CCDC150: variants seen among roughly 807,000 people sequenced by gnomAD.
CCDC150 encodes the protein coiled-coil domain-containing protein 150.
A neutral mutation model predicts 156.5 loss-of-function variants in CCDC150; 151 were observed. That is an observed-to-expected ratio of 0.97 (90% CI 0.85 to 1.10). The LOEUF is 1.10. Among genes scored for constraint, CCDC150 ranks in the 50% least tolerant of loss-of-function variants. The pLI is 0.00. For synonymous variants in CCDC150, 452 were observed against 429.4 expected (o/e 1.05, Z -0.65); for missense variants, 1,312 against 1,268.1 (o/e 1.03, Z -0.53).
intron 11 of CCDC150, 93 bp from the exon 12 acceptor site, chr2:196,676,461 C>G: frequency 7.5e-7 from 1 of 1,325,418 alleles, no homozygotes; most frequent in Non-Finnish European, 1.0e-6. Context: ...TACTCTCAGT[C>G]AGGAAATATG....
chr2:196,703,738 G>A (rs147766649), intron 15 of CCDC150, among the ~76,000 whole-genome samples: 25 of 152,168 alleles, frequency 1.6e-4, no homozygotes, highest in African/African-American at 5.5e-4. Flanking sequence ...ATTTTGACTG[G>A]GAATGAAATA....
chr2:196,705,347 G>T, intron 15 of CCDC150, among the ~76,000 whole-genome samples: 1 of 152,184 alleles, frequency 6.6e-6, no homozygotes, highest in East Asian at 1.9e-4. Flanking sequence ...CTGCATAAAT[G>T]CCTTCTTTTG....
chr2:196,698,840 C>G (rs140411746), intron 14 of CCDC150, among the ~76,000 whole-genome samples: 45 of 152,308 alleles, frequency 3.0e-4, no homozygotes, highest in South Asian at 1.4e-3. Context: ...TCCCTCCCCC[C>G]TCTCCCCACC....
intron 10 of CCDC150, among the ~76,000 whole-genome samples, chr2:196,675,336 T>A (rs908184831): frequency 6.6e-6 from 1 of 152,178 alleles, no homozygotes; most frequent in African/African-American, 2.4e-5. Context: ...CATGGACTTA[T>A]AATTCAGTGG....
rs376590781 is a variant in CCDC150 at position 196,666,794 on chromosome 2, C to CA, written c.849dup (p.Glu284ArgfsTer13). On this transcript the variant is annotated frameshift_variant, in exon 7 of 28. Transcript: ENST00000389175. LOFTEE classifies it high-confidence loss of function. ...CGCTCAAGAACTACTGGCCCAGGAA[C>CA]AAAAAAAAAAAGAAGAGTTGGAGAT... 0.039 allele frequency: 37,401 copies of CA among 947,732 alleles called. 1 individual carries two copies. Among genetic ancestry groups the CA allele is most frequent in the Non-Finnish European group, 0.044 (29,730 of 670,700 alleles). The allele number at this position is 947,732 out of a possible 1,614,324, so 58.7% of individuals were successfully genotyped here.
chr2:196,699,720 A>G (rs903982809), intron 14 of CCDC150, among the ~76,000 whole-genome samples: 2 of 152,126 alleles, frequency 1.3e-5, no homozygotes, highest in African/African-American at 2.4e-5. Flanking sequence ...GGGTTTTGCT[A>G]TGTTGACCAG....
At chr2:196,667,833 G>C (rs1404641885) in intron 7 of CCDC150, 1 of 152,170 alleles carries the variant, frequency 6.6e-6, no homozygotes, top group East Asian at 1.9e-4. Flanking sequence ...TTTTCTTATA[G>C]TAGTGAATTA....
intron 13 of CCDC150, among the ~76,000 whole-genome samples, chr2:196,693,040 A>C: frequency 6.6e-6 from 1 of 152,170 alleles, no homozygotes; most frequent in East Asian, 1.9e-4. Context: ...TTCTTGTTGA[A>C]TTGAACTCTC....
chr2:196,725,024 A>T (rs1015257822), intron 21 of CCDC150, among the ~76,000 whole-genome samples: 3 of 152,166 alleles, frequency 2.0e-5, no homozygotes, highest in African/African-American at 7.2e-5. Context: ...TGCAAGTCTC[A>T]TGTATAGACC....
At chr2:196,673,870 C>G (rs1462104721) in intron 9 of CCDC150, among the ~76,000 whole-genome samples, 2 of 152,046 alleles carry the variant, frequency 1.3e-5, no homozygotes, top group Non-Finnish European at 2.9e-5. Flanking sequence ...GTGTTACCAG[C>G]TAAATAATTC....
intron 27 of CCDC150, 131 bp from the exon 28 acceptor site, chr2:196,732,315 A>T: frequency 1.7e-6 from 2 of 1,142,968 alleles, no homozygotes; most frequent in East Asian, 2.4e-5. Context: ...ACAAAGTTCC[A>T]CCTGTCACAA....
Position 196,676,681 on chromosome 2 carries a change from A to G in CCDC150, c.1390A>G (p.Met464Val), listed in dbSNP as rs940487289. The G allele has an allele frequency of 2.5e-6, 4 of 1,613,902 alleles. No individual in the cohort carries two copies. Among genetic ancestry groups the G allele is most frequent in the South Asian group, 2.2e-5 (2 of 91,082 alleles). Residue 464 changes from methionine (M) to valine (V), a missense_variant, in exon 12 of 28, where the codon ATG becomes GTG. Transcript: ENST00000389175. Reference protein sequence around the residue: ...ARLRGELEASMQEKKSLLEEK... With the variant: ...ARLRGELEASVQEKKSLLEEK... ...ATTGCGAGGTGAATTGGAAGCATCA[A>G]TGCAAGAGAAGAAGTCTCTGCTAGA...
chr2:196,660,185 A>G (rs1426908729), intron 5 of CCDC150, among the ~76,000 whole-genome samples: 1 of 152,190 alleles, frequency 6.6e-6, no homozygotes, highest in Non-Finnish European at 1.5e-5. Context: ...TATTGTATGT[A>G]CCACAATTTG....
At chr2:196,674,400 A>G (rs887251656) in intron 10 of CCDC150, 52 bp downstream of exon 10, 1 of 1,099,084 alleles carries the variant, frequency 9.1e-7, no homozygotes, top group Non-Finnish European at 1.3e-6. Flanking sequence ...TTGATAGATC[A>G]GGAAATGTTT....
intron 13 of CCDC150, among the ~76,000 whole-genome samples, chr2:196,689,434 G>A (rs1040761049): frequency 2.7e-5 from 4 of 150,074 alleles, no homozygotes; most frequent in African/African-American, 9.7e-5. Flanking sequence ...GCAGTGGTTT[G>A]TAGTTCTCCT....
intron 22 of CCDC150, among the ~76,000 whole-genome samples, chr2:196,728,334 G>A (rs1405773398): frequency 6.6e-6 from 1 of 152,218 alleles, no homozygotes; most frequent in East Asian, 1.9e-4. Context: ...AGACTGTAGT[G>A]TAAAGTTAGG....
At chr2:196,721,779 A>C in intron 21 of CCDC150, 88 bp downstream of exon 21, 1 of 1,096,754 alleles carries the variant, frequency 9.1e-7, no homozygotes, top group Non-Finnish European at 1.3e-6. Flanking sequence ...CGCATAAATC[A>C]GTTAAACTCT....
At chr2:196,651,116 A>G (rs1187925171) in intron 2 of CCDC150, among the ~76,000 whole-genome samples, 1 of 152,206 alleles carries the variant, frequency 6.6e-6, no homozygotes. Context: ...AAAACACAGT[A>G]GGCTATTTTA....
chr2:196,729,801 A>T lies in CCDC150; in HGVS notation c.2760A>T (p.Glu920Asp). The T allele has an allele frequency of 6.4e-7, 1 of 1,572,450 alleles. No individual in the cohort carries two copies. The stretch of plus-strand genomic sequence containing the variant: ...TTTCCAATTACTTTTAGCAAATAGA[A>T]AAAGAATTGAAGCAAATGGAGCTAA... ...AQNIERMKQI[E>D]KELKQMELIK... The change falls in exon 24 of 28, where the codon GAA becomes GAT. Residue 920 changes from glutamate to aspartate, a missense_variant. By Grantham distance (45) the Glu-to-Asp change is conservative. Transcript: ENST00000389175.
Sources: gnomAD v4.1 joint callset for allele counts (sites outside exome capture counted in the v4.1 genomes callset) on GRCh38, gnomAD v4.1.1 for gene constraint, MANE v1.5 for transcripts, NCBI Gene and HGNC (gene_info 2026-07-23, HGNC 2026-07-21) for gene names.